Variants in DNAI7 observed in about 807,000 individuals in gnomAD.
The protein encoded by DNAI7 is cancer susceptibility 1.
DNAI7 carries 78 observed loss-of-function variants against 86.6 expected under a neutral mutation model. The ratio of observed to expected loss-of-function variants is 0.90; its 90% CI spans 0.75 to 1.09. The LOEUF is 1.09. Among genes scored for constraint, DNAI7 ranks in the 50% least tolerant of loss-of-function variants. The probability of loss-of-function intolerance (pLI) is 0.00; values close to 1 mark genes in which losing one functional copy is unlikely to be tolerated. For synonymous variants in DNAI7, 274 were observed against 273.0 expected (o/e 1.00, Z -0.04); for missense variants, 753 against 810.2 (o/e 0.93, Z 0.86).
intron 2 of DNAI7, among the ~76,000 whole-genome samples, chr12:25,174,488 TCATATATCC>T (rs376401252): frequency 0.011 from 312 of 28,070 alleles, 73 homozygotes; most frequent in Middle Eastern, 0.023. Context: ...GATATATATA[TCATATATCC>T]CATATATATG....
chr12:25,127,913 G>A (rs1279399295), intron 9 of DNAI7, among the ~76,000 whole-genome samples: 1 of 152,196 alleles, frequency 6.6e-6, no homozygotes, highest in African/African-American at 2.4e-5. Flanking sequence ...TATATGGTAT[G>A]TGTTTTGAGA....
At chr12:25,121,633 T>C (rs1941304385) in intron 11 of DNAI7, 120 bp downstream of exon 11, 2 of 764,738 alleles carry the variant, frequency 2.6e-6, no homozygotes, top group Non-Finnish European at 4.1e-6. Context: ...CAGTTTAAAA[T>C]TACATTTTTT....
intron 2 of DNAI7, among the ~76,000 whole-genome samples, chr12:25,167,886 A>G (rs996055502): frequency 2.6e-5 from 4 of 152,166 alleles, no homozygotes. Flanking sequence ...TCCTTTATGT[A>G]TCTCTCGTCA....
At chr12:25,135,911 C>T (rs1412494211) in intron 9 of DNAI7, among the ~76,000 whole-genome samples, 1 of 152,092 alleles carries the variant, frequency 6.6e-6, no homozygotes, top group Non-Finnish European at 1.5e-5. Context: ...GATGGTCTTT[C>T]TTTACCTACC....
chr12:25,140,117 AC>A (rs770808849), intron 9 of DNAI7, among the ~76,000 whole-genome samples: 1 of 152,148 alleles, frequency 6.6e-6, no homozygotes, highest in Non-Finnish European at 1.5e-5. Flanking sequence ...TGAAAGCATT[AC>A]CCCTGAGAAC....
At chr12:25,115,479 A>C (rs1939889911) in intron 12 of DNAI7, among the ~76,000 whole-genome samples, 2 of 152,184 alleles carry the variant, frequency 1.3e-5, no homozygotes, top group African/African-American at 2.4e-5. Flanking sequence ...TATCTCTTAC[A>C]ACTCAATAAT....
rs1949690101 is a variant in DNAI7 at position 25,110,147 on chromosome 12, A to G, written c.1873T>C (p.Ser625Pro). The G allele has an allele frequency of 1.3e-6, 2 of 1,596,864 alleles. No homozygotes were observed. Among genetic ancestry groups the G allele is most frequent in the African/African-American group, 2.7e-5 (2 of 74,546 alleles). ...GWSKWNLLCN[S>P]TKVVFKVREH... ...CATACCTTAAATACGACTTTTGTAG[A>G]ATTACATAGTAGGTTCCACTTGCTC... Residue 625 changes from serine (S) to proline (P), a missense_variant, in exon 15 of 16, where the codon TCT becomes CCT. Ser to Pro is a moderately conservative substitution (Grantham distance 74, BLOSUM62 -1). Transcript: ENST00000395987.
At chr12:25,130,294 T>C (rs1304460312) in intron 9 of DNAI7, among the ~76,000 whole-genome samples, 3 of 151,992 alleles carry the variant, frequency 2.0e-5, no homozygotes, top group East Asian at 1.9e-4. Flanking sequence ...TCCCAGCACT[T>C]TGGGAGGCCA....
intron 2 of DNAI7, among the ~76,000 whole-genome samples, chr12:25,169,443 C>T (rs1947877267): frequency 6.6e-6 from 1 of 152,218 alleles, no homozygotes; most frequent in African/African-American, 2.4e-5. Context: ...AGCCTACCTG[C>T]ATCCAGGTGA....
chr12:25,176,771 G>A (rs536071405), intron 2 of DNAI7, among the ~76,000 whole-genome samples: 12 of 150,870 alleles, frequency 8.0e-5, no homozygotes, highest in South Asian at 6.2e-4. Flanking sequence ...GTTTTCTAAC[G>A]TATATATATG....
chr12:25,187,778 A>G (rs1341083906), intron 2 of DNAI7, among the ~76,000 whole-genome samples: 2 of 152,230 alleles, frequency 1.3e-5, no homozygotes, highest in African/African-American at 2.4e-5. Context: ...ATGTCATCAG[A>G]TGTAAGATGT....
chr12:25,175,793 T>A (rs1056919179), intron 2 of DNAI7, among the ~76,000 whole-genome samples: 1 of 151,926 alleles, frequency 6.6e-6, no homozygotes, highest in African/African-American at 2.4e-5. Context: ...ATATATCCAA[T>A]AGAAGGCTGG....
chr12:25,119,527 G>A (rs185176866), intron 11 of DNAI7, among the ~76,000 whole-genome samples: 104 of 152,258 alleles, frequency 6.8e-4, no homozygotes, highest in African/African-American at 2.3e-3. Context: ...ATTGTGTGGT[G>A]GGGCTTCCTC....
rs1941302630 is a variant in DNAI7, at chr12:25,121,624, A to G, written c.1239+129T>C. The G allele has an allele frequency of 1.8e-5, 12 of 685,300 alleles. 1 individual carries two copies. In the South Asian group the frequency reaches 2.5e-4, roughly 15 times the overall value. 42.5% of individuals were successfully genotyped at this position (685,300 alleles called of 1,614,324 possible). A position where few individuals can be genotyped will look rare whatever the true frequency, so the allele number is the denominator to read the frequency against. ...TTTTCAATACCAATACATTTAAGAC[A>G]GTTTAAAATTACATTTTTTCCTTTG... On this transcript the variant is annotated intron_variant, in intron 11 of 15. Transcript: ENST00000395987.
At chr12:25,107,772 T>C, downstream of DNAI7, 1 of 1,585,558 alleles carries the variant, frequency 6.3e-7, no homozygotes, top group South Asian at 1.1e-5. Flanking sequence ...ATGTTTCTAA[T>C]GACAAATTAC....
chr12:25,154,446 T>C lies in DNAI7; in HGVS notation c.311A>G (p.Tyr104Cys), dbSNP rs756528045. The C allele has an allele frequency of 6.2e-6, 10 of 1,608,626 alleles. No homozygotes were observed. Among genetic ancestry groups the C allele is most frequent in the African/African-American group, 2.7e-5 (2 of 74,808 alleles). The change falls in exon 6 of 16, where the codon TAC becomes TGC. Residue 104 changes from tyrosine (Y) to cysteine (C), a missense_variant. By Grantham distance (194) the Tyr-to-Cys change is radical (BLOSUM62 -2). Coordinates refer to ENST00000395987, the MANE Select transcript of DNAI7 (RefSeq NM_018272.5). ...ETKLLSQWKH[Y>C]IQCDGSPDPS... ...ATCAGGACTCCCATCACATTGAATG[T>C]AGTGCTTCCACTGTGGAATAAAAAT...
rs1321027446 is a variant in DNAI7 at position 25,135,834 on chromosome 12, G to A, written c.1002+8531C>T. ...CTGAGAAGCATACCCCCATCCCCTA[G>A]AGCAGCCGCAGCAACCCCCGCCCAA... On this transcript the variant is annotated intron_variant, in intron 9 of 15. Transcript: ENST00000395987. 5.3e-5 allele frequency among the ~76,000 whole-genome samples: 8 copies of A among 149,954 alleles called. No individual in the cohort carries two copies. In the East Asian group the frequency reaches 1.6e-3, roughly 30 times the overall value.
At chr12:25,143,941 A>AT (rs1001857577) in intron 9 of DNAI7, among the ~76,000 whole-genome samples, 1 of 152,220 alleles carries the variant, frequency 6.6e-6, no homozygotes, top group African/African-American at 2.4e-5. Context: ...AGAGTGTAAT[A>AT]TTTTAAGAAA....
intron 9 of DNAI7, among the ~76,000 whole-genome samples, 193 bp downstream of exon 9, chr12:25,144,172 C>G (rs1435221488): frequency 6.6e-6 from 1 of 152,134 alleles, no homozygotes; most frequent in Non-Finnish European, 1.5e-5. Context: ...GATGTTGAAG[C>G]TAGTGGCTCA....
Sources: allele counts gnomAD v4.1 joint callset (sites outside exome capture counted in the v4.1 genomes callset), GRCh38; gene constraint gnomAD v4.1.1; transcripts MANE v1.5; gene names NCBI Gene and HGNC (gene_info 2026-07-23, HGNC 2026-07-21).